Variants in STOX1 observed in about 807,000 individuals in gnomAD.
The protein encoded by STOX1 is storkhead-box protein 1.
In STOX1, 57 loss-of-function variants were observed where a neutral mutation model predicts 74.8. The ratio of observed to expected loss-of-function variants is 0.76; its 90% CI spans 0.62 to 0.95. The LOEUF is 0.95. Among genes scored for constraint, STOX1 ranks in the 40% least tolerant of loss-of-function variants. The pLI is 0.00. For synonymous variants in STOX1, 375 were observed against 401.3 expected (o/e 0.93, Z 0.78); for missense variants, 1,010 against 1,117.0 (o/e 0.90, Z 1.37).
chr10:68,872,027 G>T (rs10082399), intron 1 of STOX1, among the ~76,000 whole-genome samples: 40,628 of 151,974 alleles, frequency 0.27, 5,740 homozygotes, highest in African/African-American at 0.34. Flanking sequence ...TTAAACTTGA[G>T]TGTACCTGCA....
intron 1 of STOX1, among the ~76,000 whole-genome samples, chr10:68,851,042 C>T (rs1839971120): frequency 6.6e-6 from 1 of 150,650 alleles, no homozygotes; most frequent in Non-Finnish European, 1.5e-5. Flanking sequence ...GGTGCGGTGG[C>T]TCACACCTGT....
At chr10:68,836,114 C>T (rs1839545163) in intron 1 of STOX1, among the ~76,000 whole-genome samples, 1 of 152,242 alleles carries the variant, frequency 6.6e-6, no homozygotes, top group Non-Finnish European at 1.5e-5. Flanking sequence ...TTGTGATCCA[C>T]CTGCCTCGGC....
intron 1 of STOX1, among the ~76,000 whole-genome samples, chr10:68,863,208 C>A (rs1305757617): frequency 6.6e-6 from 1 of 151,992 alleles, no homozygotes; most frequent in Non-Finnish European, 1.5e-5. Flanking sequence ...AAGTTACAGG[C>A]TATAGAAGTG....
intron 1 of STOX1, among the ~76,000 whole-genome samples, chr10:68,853,338 A>C (rs1196160201): frequency 6.6e-6 from 1 of 152,188 alleles, no homozygotes; most frequent in African/African-American, 2.4e-5. Flanking sequence ...GGATGAGATC[A>C]ACCCCACTGT....
intron 1 of STOX1, among the ~76,000 whole-genome samples, chr10:68,852,249 C>CTTTT (rs34908700): frequency 3.3e-4 from 39 of 118,970 alleles, no homozygotes; most frequent in African/African-American, 5.1e-4. Flanking sequence ...TCTCTTACTG[C>CTTTT]TTTTTTTTTT....
rs1258109524 is a variant in STOX1, at chr10:68,846,346, C to T, written c.310+18413C>T. Among the ~76,000 whole-genome samples the T allele has an allele frequency of 2.6e-5, 4 of 152,040 alleles. No individual in the cohort carries two copies. In the East Asian group the frequency reaches 7.7e-4, roughly 29 times the overall value. On this transcript the variant is annotated intron_variant, in intron 1 of 3. Transcript: ENST00000298596. Reference sequence around the variant, plus strand: ...TGTATTTTTAGTAGGGATGGGATTTCACCATGTTGGCCAGGCTGGTCTTGA... The same window carrying T: ...TGTATTTTTAGTAGGGATGGGATTTTACCATGTTGGCCAGGCTGGTCTTGA...
In STOX1 at chr10:68,886,258, G is replaced by A. The variant is rs776815979; in HGVS notation, c.2462G>A (p.Ser821Asn). 6.0e-5 allele frequency: 97 copies of A among 1,614,118 alleles called. No homozygotes were observed. The highest frequency in any genetic ancestry group is 7.4e-5 in the Non-Finnish European group (87 of 1,180,056). The change falls in exon 3 of 4, where the codon AGT (serine) becomes AAT (asparagine). Residue 821 changes from serine to asparagine, a missense_variant. Ser to Asn is a conservative substitution (Grantham distance 46). Transcript: ENST00000298596. ...ESQEPNLSAESCGLNSGAQFG... is the reference protein window; with the variant it reads ...ESQEPNLSAENCGLNSGAQFG... ...CAAGAACCTAACCTCTCTGCTGAAA[G>A]TTGTGGCCTAAATTCAGGGGCCCAG...
intron 1 of STOX1, among the ~76,000 whole-genome samples, chr10:68,845,921 T>C (rs568622014): frequency 6.6e-6 from 1 of 152,026 alleles, no homozygotes; most frequent in African/African-American, 2.4e-5. Context: ...GTATTTTTAG[T>C]AGAGATGGGA....
chr10:68,879,658 A>G (rs1840761907), intron 1 of STOX1, among the ~76,000 whole-genome samples: 1 of 152,180 alleles, frequency 6.6e-6, no homozygotes, highest in Non-Finnish European at 1.5e-5. Flanking sequence ...TTTCTGGTTT[A>G]TGATCTATTT....
chr10:68,892,754 A>AT lies in STOX1; in HGVS notation c.*18_*19insT. On this transcript the variant is annotated 3_prime_UTR_variant, in exon 4 of 4. Transcript: ENST00000298596. ...ACGTTTAATTTTCTTTTGGAAACCTACTTTTTTCTTTATAAAAAGGTAGAG... is the reference window on the plus strand; with the variant it reads ...ACGTTTAATTTTCTTTTGGAAACCTATCTTTTTTCTTTATAAAAAGGTAGAG... 1 of 1,611,252 alleles carries AT rather than the reference A, an allele frequency of 6.2e-7. No individual in the cohort carries two copies. Among genetic ancestry groups the AT allele is most frequent in the Non-Finnish European group, 8.5e-7 (1 of 1,177,860 alleles).
chr10:68,846,653 T>G lies in STOX1; in HGVS notation c.310+18720T>G, dbSNP rs531322499. 2.6e-5 allele frequency among the ~76,000 whole-genome samples: 4 copies of G among 152,344 alleles called. No homozygotes were observed. In the South Asian group the frequency reaches 8.3e-4, roughly 32 times the overall value. On this transcript the variant is annotated intron_variant, in intron 1 of 3. Coordinates refer to ENST00000298596, the MANE Select transcript of STOX1 (RefSeq NM_152709.5). ...CAATACTACAGTGTTTTCATTACTG[T>G]AGCTGTATAGAAGTCAGATATTCTG...
intron 1 of STOX1, among the ~76,000 whole-genome samples, chr10:68,862,655 G>A (rs1175106502): frequency 1.3e-5 from 2 of 151,994 alleles, no homozygotes; most frequent in African/African-American, 2.4e-5. Context: ...CCAGATAATA[G>A]GAACTCTTGC....
chr10:68,881,959 T>G lies in STOX1; in HGVS notation c.312T>G (p.Gly104=), dbSNP rs1564586397. The change falls in exon 2 of 4, where the codon GGT becomes GGG. Residue 104 remains glycine (G), a splice_region_variant and synonymous_variant. Transcript: ENST00000298596. ...CTTTTTTTTAAATCTCCAATTTAGGTGATGTCTTTCCAGTGCAAATGAATC... is the reference window on the plus strand; with the variant it reads ...CTTTTTTTTAAATCTCCAATTTAGGGGATGTCTTTCCAGTGCAAATGAATC... The part of the protein sequence containing the change: ...PPRGFRIRAV[G]DVFPVQMNPI... The G allele has an allele frequency of 6.2e-7, 1 of 1,613,820 alleles. No homozygotes were observed. The highest frequency in any genetic ancestry group is 2.2e-5 in the East Asian group (1 of 44,798).
intron 1 of STOX1, among the ~76,000 whole-genome samples, chr10:68,839,397 T>C (rs1004741420): frequency 2.0e-5 from 3 of 151,990 alleles, no homozygotes; most frequent in African/African-American, 7.2e-5. Flanking sequence ...TAATTTTTAA[T>C]TTTTTTGTAG....
intron 1 of STOX1, among the ~76,000 whole-genome samples, chr10:68,851,711 T>C (rs538954717): frequency 1.3e-3 from 204 of 151,784 alleles, no homozygotes; most frequent in Non-Finnish European, 2.7e-3. Flanking sequence ...TGTGGTGGTG[T>C]GCACCTGTAA....
Position 68,886,340 on chromosome 10 carries a change from A to C in STOX1, c.2544A>C (p.Ala848=), listed in dbSNP as rs746372223. The change falls in exon 3 of 4, where the codon GCA becomes GCC. Residue 848 remains alanine (A), a synonymous_variant. Coordinates refer to ENST00000298596, the MANE Select transcript of STOX1 (RefSeq NM_152709.5). Reference sequence around the variant, plus strand: ...TTGCTAAATGTGTACAGGCCTCAGCACCTGCTGATGAAAGAATCTTTGATT... The same window carrying C: ...TTGCTAAATGTGTACAGGCCTCAGCCCCTGCTGATGAAAGAATCTTTGATT... The part of the protein sequence containing the change: ...PSVAKCVQAS[A]PADERIFDYY... 6.2e-7 allele frequency: 1 copy of C among 1,614,194 alleles called. No homozygotes were observed. The highest frequency in any genetic ancestry group is 8.5e-7 in the Non-Finnish European group (1 of 1,180,040).
intron 1 of STOX1, among the ~76,000 whole-genome samples, chr10:68,866,511 A>G (rs954788169): frequency 2.0e-5 from 3 of 152,192 alleles, no homozygotes; most frequent in Non-Finnish European, 4.4e-5. Flanking sequence ...TCCCACATAC[A>G]GTAAAATCAG....
chr10:68,847,287 A>G (rs1416466757), intron 1 of STOX1, among the ~76,000 whole-genome samples: 1 of 152,230 alleles, frequency 6.6e-6, no homozygotes, highest in Non-Finnish European at 1.5e-5. Flanking sequence ...CAGCAACAAA[A>G]GATGACCCCA....
intron 1 of STOX1, among the ~76,000 whole-genome samples, chr10:68,846,135 TTATTA>T (rs1392543342): frequency 7.0e-6 from 1 of 141,908 alleles, no homozygotes; most frequent in Non-Finnish European, 1.5e-5. Context: ...ATTATTATTA[TTATTA>T]TTATTATTAT....
Sources: gnomAD v4.1 joint callset for allele counts (sites outside exome capture counted in the v4.1 genomes callset) on GRCh38, gnomAD v4.1.1 for gene constraint, MANE v1.5 for transcripts, NCBI Gene and HGNC (gene_info 2026-07-23, HGNC 2026-07-21) for gene names.